METTL16: variants seen among roughly 807,000 people sequenced by gnomAD.
The protein encoded by METTL16 is methyltransferase 16, RNA N6-adenosine.
In METTL16, 19 loss-of-function variants were observed where a neutral mutation model predicts 57.9. The ratio of observed to expected loss-of-function variants is 0.33; its 90% confidence interval spans 0.23 to 0.48. METTL16 has a LOEUF of 0.48. Ranked by LOEUF, METTL16 falls within the 20% of genes least tolerant of loss-of-function variation. The pLI, the probability that METTL16 is intolerant of heterozygous loss-of-function variation, is 0.99. For synonymous variants in METTL16, 246 were observed against 255.6 expected (o/e 0.96, Z 0.36); for missense variants, 434 against 691.5 (o/e 0.63, Z 4.18).
At chr17:2,504,005 G>A (rs1333935482) in intron 1 of METTL16, among the ~76,000 whole-genome samples, 3 of 152,040 alleles carry the variant, frequency 2.0e-5, no homozygotes, top group South Asian at 2.1e-4. Context: ...AAGAAAATAC[G>A]GTATATACAT....
chr17:2,492,821 C>A (rs1478266600), intron 2 of METTL16, among the ~76,000 whole-genome samples: 3 of 146,828 alleles, frequency 2.0e-5, no homozygotes, highest in Non-Finnish European at 4.5e-5. Context: ...TGCTTGAACC[C>A]CAGGAGGCAG....
intron 2 of METTL16, among the ~76,000 whole-genome samples, chr17:2,489,180 ACTC>A (rs10535314): frequency 0.13 from 19,331 of 151,086 alleles, 1,338 homozygotes; most frequent in South Asian, 0.21. Flanking sequence ...CTGATCTTGA[ACTC>A]CTGGCCTCAA....
intron 2 of METTL16, among the ~76,000 whole-genome samples, chr17:2,481,439 GAGA>G (rs1243137634): frequency 1.3e-5 from 2 of 152,074 alleles, no homozygotes; most frequent in African/African-American, 2.4e-5. Context: ...CAACGATACA[GAGA>G]AGAAGAGAAA....
chr17:2,418,804 T>C lies in METTL16; in HGVS notation c.*1166A>G, dbSNP rs2066738889. On this transcript the variant is annotated 3_prime_UTR_variant, in exon 10 of 10. Transcript: ENST00000263092. The stretch of plus-strand genomic sequence containing the variant: ...GCTTAACTACTCAGCCCCAGTCTTC[T>C]TAGCAGATGGCAAGGAGCTCTGGCC... 1 of 152,286 alleles carries C rather than the reference T, an allele frequency of 6.6e-6. No homozygotes were observed. The highest frequency in any genetic ancestry group is 1.5e-5 in the Non-Finnish European group (1 of 68,094). The allele number at this position is 152,286 out of a possible 1,614,324, so 9.4% of individuals were successfully genotyped here. A position where few individuals can be genotyped will look rare whatever the true frequency, so the allele number is the denominator to read the frequency against.
chr17:2,485,777 C>T (rs1424352249), intron 2 of METTL16, among the ~76,000 whole-genome samples: 2 of 152,114 alleles, frequency 1.3e-5, no homozygotes, highest in African/African-American at 2.4e-5. Flanking sequence ...CTTTCTGAAG[C>T]GGACGGTCTG....
rs755482842 is a variant in METTL16, at chr17:2,420,241, C to T, written c.1418G>A (p.Gly473Glu). ...TTGACAACTTTCCAAAACCTCCACC[C>T]CTCCCTTTTCCTCACTCCTTTCATC... ...TEDERSEEKG[G>E]VEVLESCQGS... The change falls in exon 10 of 10, where the codon GGG (glycine) becomes GAG (glutamate). Residue 473 changes from glycine (G) to glutamate (E), a missense_variant. Physicochemically the swap from Gly to Glu is moderately conservative, Grantham distance 98. Around this residue, in one of 5 missense-constraint regions of METTL16, gnomAD observed 168 missense variants for 149.6 expected, o/e 1.12. Coordinates refer to ENST00000263092, the MANE Select transcript of METTL16 (RefSeq NM_024086.4). This position sits in a 1 kb window ranked among gnomAD's most constrained non-coding sequence, Gnocchi z 5.4. The T allele has an allele frequency of 5.0e-6, 8 of 1,614,098 alleles. No individual in the cohort carries two copies. In the Admixed American group the frequency reaches 8.3e-5, roughly 17 times the overall value.
intron 6 of METTL16, among the ~76,000 whole-genome samples, chr17:2,448,567 C>T (rs2067034925): frequency 1.3e-5 from 1 of 76,860 alleles, no homozygotes; most frequent in South Asian, 4.7e-4. Flanking sequence ...AGAGTCATCA[C>T]CACTCCCTAA....
intron 8 of METTL16, among the ~76,000 whole-genome samples, chr17:2,433,369 C>G (rs887535850): frequency 3.9e-5 from 6 of 152,166 alleles, no homozygotes; most frequent in African/African-American, 1.4e-4. Flanking sequence ...AAACGAGGAG[C>G]TGTACTTCCT....
At chr17:2,472,338 T>C (rs1261279621) in intron 4 of METTL16, among the ~76,000 whole-genome samples, 2 of 152,184 alleles carry the variant, frequency 1.3e-5, no homozygotes, top group Non-Finnish European at 2.9e-5. Flanking sequence ...CTTTCATCCA[T>C]TGCTGCTGGG....
At chr17:2,443,893 G>A (rs1025100373) in intron 6 of METTL16, among the ~76,000 whole-genome samples, 16 of 152,194 alleles carry the variant, frequency 1.1e-4, no homozygotes, top group African/African-American at 3.6e-4. Context: ...GCTGGGAAAA[G>A]GGAAGATGTT....
intron 2 of METTL16, among the ~76,000 whole-genome samples, chr17:2,493,126 CTTCT>C (rs1285587630): frequency 2.2e-5 from 3 of 138,484 alleles, no homozygotes; most frequent in Non-Finnish European, 1.5e-5. Context: ...TTTGGTGATT[CTTCT>C]TTTTTTTTTT....
chr17:2,508,587 C>T (rs2067565025), intron 1 of METTL16, among the ~76,000 whole-genome samples: 1 of 152,100 alleles, frequency 6.6e-6, no homozygotes, highest in South Asian at 2.1e-4. Context: ...TCCCACTTTT[C>T]ACCCTTCACA....
intron 6 of METTL16, among the ~76,000 whole-genome samples, chr17:2,456,762 C>G (rs1159507877): frequency 1.2e-4 from 19 of 152,064 alleles, no homozygotes; most frequent in Admixed American, 1.2e-3. Context: ...AGTTACCACA[C>G]CCGGACTGTC....
At chr17:2,504,256 G>A (rs539717685) in intron 1 of METTL16, among the ~76,000 whole-genome samples, 3 of 152,312 alleles carry the variant, frequency 2.0e-5, no homozygotes, top group East Asian at 3.9e-4. Context: ...TAGGTACAGA[G>A]TTTCACTTTG....
chr17:2,478,388 A>G (rs2067281697), intron 2 of METTL16, among the ~76,000 whole-genome samples: 1 of 152,248 alleles, frequency 6.6e-6, no homozygotes, highest in Admixed American at 6.5e-5. Context: ...AAAAGTGGAA[A>G]GAAGTCAGTA....
At chr17:2,450,426 C>A (rs1432386915) in intron 6 of METTL16, among the ~76,000 whole-genome samples, 1 of 152,126 alleles carries the variant, frequency 6.6e-6, no homozygotes, top group Non-Finnish European at 1.5e-5. Context: ...TACATCAGGG[C>A]TACAGGAAGC....
intron 8 of METTL16, among the ~76,000 whole-genome samples, chr17:2,436,511 C>G (rs1004277468): frequency 6.6e-6 from 1 of 152,166 alleles, no homozygotes; most frequent in Non-Finnish European, 1.5e-5. Context: ...CCTACAAGAG[C>G]AGGAGAAGAG....
chr17:2,489,579 TGC>T, intron 2 of METTL16, among the ~76,000 whole-genome samples: 1 of 151,016 alleles, frequency 6.6e-6, no homozygotes, highest in African/African-American at 2.4e-5. Flanking sequence ...CTACTAAAAA[TGC>T]AAAAAAAATT....
chr17:2,499,820 C>T (rs1240560570), intron 2 of METTL16, among the ~76,000 whole-genome samples: 1 of 152,144 alleles, frequency 6.6e-6, no homozygotes, highest in Non-Finnish European at 1.5e-5. Context: ...GTGGCATGAT[C>T]TCGGTTCACT....
Sources: gnomAD v4.1 joint callset for allele counts (sites outside exome capture counted in the v4.1 genomes callset) on GRCh38, gnomAD v4.1.1 for gene constraint, gnomAD v4.1.1 regional missense constraint, Gnocchi (gnomAD v3.1) non-coding constraint, MANE v1.5 for transcripts, NCBI Gene and HGNC (gene_info 2026-07-23, HGNC 2026-07-21) for gene names.